CORO2B: variants seen among roughly 807,000 people sequenced by gnomAD.
The protein encoded by CORO2B is coronin 2B.
CORO2B carries 26 observed loss-of-function variants against 58.8 expected under a neutral mutation model. That is an observed-to-expected ratio of 0.44 (90% CI 0.32 to 0.61). CORO2B has a LOEUF of 0.61. CORO2B is among the 20% of genes least tolerant of loss of function. CORO2B has a pLI of 0.04. For synonymous variants in CORO2B, 242 were observed against 253.8 expected (o/e 0.95, Z 0.44); for missense variants, 460 against 645.1 (o/e 0.71, Z 3.11).
chr15:68,580,511 C>T lies in CORO2B; in HGVS notation c.15+1234C>T, dbSNP rs147430613. Among the ~76,000 whole-genome samples, 369 of 152,224 alleles carry T rather than the reference C, an allele frequency of 2.4e-3. 1 individual carries two copies. Among genetic ancestry groups the T allele is most frequent in the Middle Eastern group, 3.4e-3 (1 of 294 alleles). On this transcript the variant is annotated intron_variant, in intron 1 of 11. Coordinates refer to ENST00000261861, the MANE Select transcript of CORO2B (RefSeq NM_006091.5). The stretch of plus-strand genomic sequence containing the variant: ...TCTGCCCCAAGACTGAATGTTTGTG[C>T]GGATTCTTGGGCCCAACTCCAAACT...
At chr15:68,558,794 G>A in the CORO2B span, among the ~76,000 whole-genome samples, 2 of 152,178 alleles carry the variant, frequency 1.3e-5, no homozygotes, top group East Asian at 1.9e-4. Context: ...CAAGGAGCCA[G>A]GTGGATCTCA....
intron 2 of CORO2B, among the ~76,000 whole-genome samples, chr15:68,684,206 G>A (rs550612680): frequency 6.6e-6 from 1 of 152,190 alleles, no homozygotes; most frequent in Non-Finnish European, 1.5e-5. Flanking sequence ...CTGCCTGAGA[G>A]TCTAAAAACC....
chr15:68,604,173 G>T (rs954486796), intron 1 of CORO2B, among the ~76,000 whole-genome samples: 1 of 152,158 alleles, frequency 6.6e-6, no homozygotes, highest in Non-Finnish European at 1.5e-5. Context: ...TATCACGTTC[G>T]CTTGTCAGTA....
intron 11 of CORO2B, among the ~76,000 whole-genome samples, chr15:68,721,532 C>G (rs1413274322): frequency 6.6e-6 from 1 of 151,934 alleles, no homozygotes; most frequent in East Asian, 2.0e-4. Flanking sequence ...ATGGTGAAAC[C>G]CTGTCTCTAC....
At chr15:68,634,362 C>CT (rs1410981806) in intron 1 of CORO2B, among the ~76,000 whole-genome samples, 1 of 152,194 alleles carries the variant, frequency 6.6e-6, no homozygotes, top group Admixed American at 6.5e-5. Flanking sequence ...ACCCAAAGCA[C>CT]TTTTGAAGGT....
chr15:68,633,429 AG>A (rs1900912832), intron 1 of CORO2B, among the ~76,000 whole-genome samples: 2 of 151,978 alleles, frequency 1.3e-5, no homozygotes, highest in South Asian at 2.1e-4. Context: ...TTAAAAAAAA[AG>A]TTTCTGCTCT....
At chr15:68,689,748 C>A (rs1892310588) in intron 2 of CORO2B, among the ~76,000 whole-genome samples, 2 of 152,188 alleles carry the variant, frequency 1.3e-5, no homozygotes, top group South Asian at 4.1e-4. Flanking sequence ...TAAAAATTTA[C>A]AATCAGCTTC....
At chr15:68,691,261 C>T (rs1892357908) in intron 2 of CORO2B, among the ~76,000 whole-genome samples, 1 of 146,994 alleles carries the variant, frequency 6.8e-6, no homozygotes, top group Non-Finnish European at 1.5e-5. Flanking sequence ...CCCCGGGGGG[C>T]AGAGCTTGCA....
intron 1 of CORO2B, among the ~76,000 whole-genome samples, chr15:68,583,746 A>G (rs558284105): frequency 2.8e-4 from 43 of 152,310 alleles, no homozygotes; most frequent in African/African-American, 1.0e-3. Flanking sequence ...ACCTCCAGAC[A>G]TTCTACATCC....
the CORO2B span, among the ~76,000 whole-genome samples, chr15:68,558,174 T>C: frequency 0.22 from 32,802 of 151,752 alleles, 3,898 homozygotes; most frequent in African/African-American, 0.29. Context: ...ACAGGTGAGG[T>C]TGGTGTTCTG....
At chr15:68,650,116 C>T (rs2140276995) in intron 2 of CORO2B, among the ~76,000 whole-genome samples, 1 of 152,274 alleles carries the variant, frequency 6.6e-6, no homozygotes, top group Middle Eastern at 3.4e-3. Flanking sequence ...CCCCTGTAAT[C>T]CCAGCACTTT....
the CORO2B span, among the ~76,000 whole-genome samples, chr15:68,534,036 G>T: frequency 6.6e-6 from 1 of 152,116 alleles, no homozygotes; most frequent in African/African-American, 2.4e-5. Flanking sequence ...TAGGACATGT[G>T]CCTCATAGTT....
the CORO2B span, among the ~76,000 whole-genome samples, chr15:68,520,162 T>A: frequency 6.6e-6 from 1 of 152,232 alleles, no homozygotes; most frequent in Non-Finnish European, 1.5e-5. Context: ...CCATTTGAAA[T>A]GTGTTGAAAT....
chr15:68,649,743 C>CA, intron 2 of CORO2B, among the ~76,000 whole-genome samples: 1 of 151,954 alleles, frequency 6.6e-6, no homozygotes, highest in Non-Finnish European at 1.5e-5. Context: ...TTTTTTAAGA[C>CA]AAAAAAGTTA....
intron 2 of CORO2B, among the ~76,000 whole-genome samples, chr15:68,664,211 T>C (rs1902109998): frequency 6.6e-6 from 1 of 152,140 alleles, no homozygotes; most frequent in African/African-American, 2.4e-5. Context: ...TGGATACAAG[T>C]ATATCTTGGT....
intron 1 of CORO2B, among the ~76,000 whole-genome samples, chr15:68,614,705 CG>C (rs1280974330): frequency 1.3e-5 from 2 of 152,162 alleles, no homozygotes; most frequent in African/African-American, 4.8e-5. Context: ...TCTGGGGAAG[CG>C]GCTTCCTTTC....
At chr15:68,675,169 G>C (rs1482181354) in intron 2 of CORO2B, among the ~76,000 whole-genome samples, 1 of 152,206 alleles carries the variant, frequency 6.6e-6, no homozygotes, top group Non-Finnish European at 1.5e-5. Flanking sequence ...AGGCAGCCAT[G>C]ATGGCGAAAA....
intron 1 of CORO2B, among the ~76,000 whole-genome samples, chr15:68,585,974 G>C (rs1899546039): frequency 6.6e-6 from 1 of 152,196 alleles, no homozygotes; most frequent in Non-Finnish European, 1.5e-5. Context: ...GCAGGTCCCT[G>C]GTCCAGGCCT....
chr15:68,657,562 C>T (rs7169200), intron 2 of CORO2B, among the ~76,000 whole-genome samples: 67,921 of 148,698 alleles, frequency 0.46, 15,761 homozygotes, highest in Non-Finnish European at 0.51. Flanking sequence ...AAAATGTATA[C>T]CAGAATTGTG....
Sources: allele counts gnomAD v4.1 joint callset (sites outside exome capture counted in the v4.1 genomes callset), GRCh38; gene constraint gnomAD v4.1.1; transcripts MANE v1.5; gene names NCBI Gene and HGNC (gene_info 2026-07-23, HGNC 2026-07-21).